Variants in LUM observed in about 807,000 individuals in gnomAD.
LUM encodes KSPG lumican.
LUM carries 13 observed loss-of-function variants against 20.5 expected under a neutral mutation model. The observed-to-expected ratio is 0.63, with a 90% CI of 0.41 to 1.01. LUM has a LOEUF of 1.01. Among genes scored for constraint, LUM ranks in the 50% least tolerant of loss-of-function variants. The pLI is 0.00. For missense variants in LUM, 321 were observed against 391.1 expected (o/e 0.82, Z 1.51); for synonymous variants, 173 against 151.5 (o/e 1.14, Z -1.04).
chr12:91,108,566 A>G lies in LUM; in HGVS notation c.414T>C (p.Ser138=). The change falls in exon 2 of 3, where the codon TCT becomes TCC. Residue 138 remains serine, a synonymous_variant. Coordinates refer to ENST00000266718, the MANE Select transcript of LUM (RefSeq NM_002345.4). This position sits in a 1 kb window ranked among gnomAD's most constrained non-coding sequence, Gnocchi z 4.2. ...LTESVGPLPK[S]LEDLQLTHNK... ...TATGAGTAAGCTGCAGATCCTCCAGAGATTTGGGAAGTGGGCCCACAGACT... is the reference window on the plus strand; with the variant it reads ...TATGAGTAAGCTGCAGATCCTCCAGGGATTTGGGAAGTGGGCCCACAGACT... The G allele has an allele frequency of 6.2e-7, 1 of 1,610,468 alleles. No homozygotes were observed. Among genetic ancestry groups the G allele is most frequent in the Non-Finnish European group, 8.5e-7 (1 of 1,177,674 alleles).
chr12:91,107,199 A>G (rs10647807), intron 2 of LUM, among the ~76,000 whole-genome samples: 1 of 46,444 alleles, frequency 2.2e-5, no homozygotes, highest in East Asian at 5.5e-4. Context: ...GAAGGAAAGA[A>G]AAAGAAAGAA....
At chr12:91,105,161 G>A (rs945262077) in intron 2 of LUM, among the ~76,000 whole-genome samples, 3 of 152,068 alleles carry the variant, frequency 2.0e-5, no homozygotes, top group Non-Finnish European at 4.4e-5. Flanking sequence ...TAATTCCAGG[G>A]ATTTTTCTAT....
rs997897991 is a variant in LUM, at chr12:91,109,142, A to T, written c.-21-142T>A. 4.6e-6 allele frequency: 3 copies of T among 656,414 alleles called. No homozygotes were observed. The African/African-American group carries it at 5.5e-5, about 12-fold the overall frequency. The allele number at this position is 656,414 out of a possible 1,614,324, so 40.7% of individuals were successfully genotyped here. ...TTTAGTGCATCTAACAGCGTCTTTTAAATTTTTATTTAGGTATGAGGACAA... is the reference window on the plus strand; with the variant it reads ...TTTAGTGCATCTAACAGCGTCTTTTTAATTTTTATTTAGGTATGAGGACAA... On this transcript the variant is annotated intron_variant, in intron 1 of 2. Transcript: ENST00000266718.
intron 1 of LUM, among the ~76,000 whole-genome samples, chr12:91,110,131 T>C (rs1223023064): frequency 1.3e-5 from 2 of 152,198 alleles, no homozygotes; most frequent in Admixed American, 1.3e-4. Context: ...TAGACTTTTA[T>C]AGAGTGAACA....
chr12:91,103,937 AT>A lies in LUM; in HGVS notation c.*227del, dbSNP rs1879968588. The A allele has an allele frequency of 8.0e-6, 3 of 375,982 alleles. No individual in the cohort carries two copies. The highest frequency in any genetic ancestry group is 1.4e-5 in the Non-Finnish European group (3 of 209,732). The allele number at this position is 375,982 out of a possible 1,614,324, so 23.3% of individuals were successfully genotyped here. A position where few individuals can be genotyped will look rare whatever the true frequency, so the allele number is the denominator to read the frequency against. On this transcript the variant is annotated 3_prime_UTR_variant, in exon 3 of 3. Transcript: ENST00000266718. Reference sequence around the variant, plus strand: ...GACAGTAGAAATAAAAAAACACTAAATTTACAAATAAAGCATTGAGTTTGAT... The same window carrying A: ...GACAGTAGAAATAAAAAAACACTAAATTACAAATAAAGCATTGAGTTTGAT...
intron 1 of LUM, among the ~76,000 whole-genome samples, 193 bp downstream of exon 1, chr12:91,111,205 T>A (rs537940148): frequency 2.6e-5 from 4 of 152,202 alleles, no homozygotes; most frequent in African/African-American, 9.6e-5. Flanking sequence ...ATACAGCATA[T>A]ACTGTATAAA....
rs1879970477 is a variant in LUM at position 91,104,003 on chromosome 12, G to A, written c.*162C>T. The A allele has an allele frequency of 8.6e-6, 5 of 581,206 alleles. No homozygotes were observed. The highest frequency in any genetic ancestry group is 1.5e-5 in the Non-Finnish European group (5 of 334,924). The allele number at this position is 581,206 out of a possible 1,614,324, so 36.0% of individuals were successfully genotyped here. A position where few individuals can be genotyped will look rare whatever the true frequency, so the allele number is the denominator to read the frequency against. On this transcript the variant is annotated 3_prime_UTR_variant, in exon 3 of 3. Transcript: ENST00000266718. ...ATGTGTGTGTTCTTGTGATGAAATA[G>A]GCCTGCCTTTCATCTTTTCTTTAAA...
chr12:91,103,301 TA>T lies in LUM; in HGVS notation c.*863del, dbSNP rs1427956215. On this transcript the variant is annotated 3_prime_UTR_variant, in exon 3 of 3. Transcript: ENST00000266718. The stretch of plus-strand genomic sequence containing the variant: ...TAGAATACCATTGTATATGAACCAG[TA>T]AAAACACCAGGAATGGGAATAATGA... The T allele has an allele frequency of 6.6e-6, 1 of 152,086 alleles. No homozygotes were observed. The highest frequency in any genetic ancestry group is 1.5e-5 in the Non-Finnish European group (1 of 67,964). The allele number at this position is 152,086 out of a possible 1,614,324, so 9.4% of individuals were successfully genotyped here. A position where few individuals can be genotyped will look rare whatever the true frequency, so the allele number is the denominator to read the frequency against.
chr12:91,104,751 T>C (rs537954926), intron 2 of LUM, among the ~76,000 whole-genome samples: 1 of 152,278 alleles, frequency 6.6e-6, no homozygotes, highest in African/African-American at 2.4e-5. Context: ...CTAGATGATC[T>C]ATAAAGAATT....
At chr12:91,105,678 A>G (rs954712195) in intron 2 of LUM, among the ~76,000 whole-genome samples, 2 of 152,192 alleles carry the variant, frequency 1.3e-5, no homozygotes, top group African/African-American at 4.8e-5. Context: ...AAGAAAGGAA[A>G]CTATTATGTT....
Position 91,104,074 on chromosome 12 carries a change from T to C in LUM, c.*91A>G. 5 of 1,047,538 alleles carry C rather than the reference T, an allele frequency of 4.8e-6. No individual in the cohort carries two copies. Among genetic ancestry groups the C allele is most frequent in the East Asian group, 2.5e-5 (1 of 40,352 alleles). The allele number at this position is 1,047,538 out of a possible 1,614,324, so 64.9% of individuals were successfully genotyped here. On this transcript the variant is annotated 3_prime_UTR_variant, in exon 3 of 3. Transcript: ENST00000266718. ...CATTTCCCTCAGATTTTAAAATTCA[T>C]GGAAGTAATAAACAGTAATAAAATA... is the stretch of plus-strand genomic sequence containing the variant.
In LUM at chr12:91,108,538, T is replaced by G. The variant is rs1880131148; in HGVS notation, c.442A>C (p.Lys148Gln). 1.9e-6 allele frequency: 3 copies of G among 1,611,528 alleles called. No individual in the cohort carries two copies. In the East Asian group the frequency reaches 6.7e-5, roughly 36 times the overall value. Residue 148 changes from lysine to glutamine, a missense_variant, in exon 2 of 3, where the codon AAG becomes CAG. Physicochemically the swap from Lys to Gln is moderately conservative, Grantham distance 53 (BLOSUM62 1). Transcript: ENST00000266718. This position sits in a 1 kb window ranked among gnomAD's most constrained non-coding sequence, Gnocchi z 4.2. ...SLEDLQLTHN[K>Q]ITKLGSFEGL... ...TCAAAAGAGCCCAGCTTTGTGATCT[T>G]GTTATGAGTAAGCTGCAGATCCTCC...
In LUM at chr12:91,104,199, C is replaced by T; in HGVS notation, c.983G>A (p.Cys328Tyr). 2 of 1,612,796 alleles carry T rather than the reference C, an allele frequency of 1.2e-6. No homozygotes were observed. Among genetic ancestry groups the T allele is most frequent in the Non-Finnish European group, 1.7e-6 (2 of 1,179,038 alleles). ...ETSLPPDMYE[C>Y]LRVANEVTLN The stretch of plus-strand genomic sequence containing the variant: ...AGTGACTTCGTTAGCAACACGTAGA[C>T]ATTCATACATATCCGGTGGAAGACT... Residue 328 changes from cysteine (C) to tyrosine (Y), a missense_variant, in exon 3 of 3, where the codon TGT (cysteine) becomes TAT (tyrosine). Transcript: ENST00000266718.
chr12:91,110,142 G>T (rs1013806246), intron 1 of LUM, among the ~76,000 whole-genome samples: 1 of 152,174 alleles, frequency 6.6e-6, no homozygotes, highest in Non-Finnish European at 1.5e-5. Flanking sequence ...AGAGTGAACA[G>T]TTGTGGCTGA....
At chr12:91,106,889 G>A (rs1880045913) in intron 2 of LUM, among the ~76,000 whole-genome samples, 1 of 151,744 alleles carries the variant, frequency 6.6e-6, no homozygotes, top group Non-Finnish European at 1.5e-5. Context: ...AGACTATATG[G>A]GGCCAGGCAC....
rs781697866 is a variant in LUM, at chr12:91,108,308, A to G, written c.672T>C (p.Tyr224=). 6.2e-7 allele frequency: 1 copy of G among 1,614,092 alleles called. No homozygotes were observed. Among genetic ancestry groups the G allele is most frequent in the Non-Finnish European group, 8.5e-7 (1 of 1,180,022 alleles). Residue 224 remains tyrosine, a synonymous_variant, in exon 2 of 3, where the codon TAT becomes TAC. Coordinates refer to ENST00000266718, the MANE Select transcript of LUM (RefSeq NM_002345.4). The surrounding 1 kb of genome is among the most constrained non-coding windows in gnomAD (Gnocchi z 4.2). ...ACTGCAATGCATTAAAACGCTTGAAATACTCATCAGGGATGTTGCTGATCT... is the reference window on the plus strand; with the variant it reads ...ACTGCAATGCATTAAAACGCTTGAAGTACTCATCAGGGATGTTGCTGATCT... The part of the protein sequence containing the change: ...NNKISNIPDE[Y]FKRFNALQYL...
rs1880119865 is a variant in LUM, at chr12:91,108,015, C to T, written c.862+103G>A. The T allele has an allele frequency of 7.4e-7, 1 of 1,353,978 alleles. No individual in the cohort carries two copies. Among genetic ancestry groups the T allele is most frequent in the Non-Finnish European group, 1.1e-6 (1 of 946,136 alleles). 83.9% of individuals were successfully genotyped at this position (1,353,978 alleles called of 1,614,324 possible). On this transcript the variant is annotated intron_variant, in intron 2 of 2. Coordinates refer to ENST00000266718, the MANE Select transcript of LUM (RefSeq NM_002345.4). The surrounding 1 kb of genome is among the most constrained non-coding windows in gnomAD (Gnocchi z 4.2). ...GGAATGAGCCACAGCGCCCGGGCGA[C>T]ATTTTGTTTTTTTAATGGAGCCAGA...
intron 2 of LUM, among the ~76,000 whole-genome samples, chr12:91,104,736 G>T (rs950636847): frequency 6.6e-6 from 1 of 152,002 alleles, no homozygotes; most frequent in African/African-American, 2.4e-5. Context: ...AATAAGAAGG[G>T]TTAACTAGAT....
chr12:91,104,194 G>A lies in LUM; in HGVS notation c.988C>T (p.Arg330Cys), dbSNP rs777345268. ...TTAAGAGTGACTTCGTTAGCAACAC[G>A]TAGACATTCATACATATCCGGTGGA... is the stretch of plus-strand genomic sequence containing the variant. ...SLPPDMYECL[R>C]VANEVTLN The change falls in exon 3 of 3, where the codon CGT becomes TGT. Residue 330 changes from arginine to cysteine, a missense_variant. Physicochemically the swap from Arg to Cys is radical, Grantham distance 180. Transcript: ENST00000266718. The A allele has an allele frequency of 5.6e-6, 9 of 1,612,432 alleles. No homozygotes were observed. In the Admixed American group the frequency reaches 6.7e-5, roughly 12 times the overall value.
Sources: allele counts gnomAD v4.1 joint callset (sites outside exome capture counted in the v4.1 genomes callset), GRCh38; gene constraint gnomAD v4.1.1; non-coding constraint Gnocchi (gnomAD v3.1); transcripts MANE v1.5; gene names NCBI Gene and HGNC (gene_info 2026-07-23, HGNC 2026-07-21).